ABLIM2: variants seen among roughly 807,000 people sequenced by gnomAD.
ABLIM2 encodes the protein actin binding LIM protein family member 2.
In ABLIM2, 53 loss-of-function variants were observed where a neutral mutation model predicts 97.7. That is an observed-to-expected ratio of 0.54 (90% CI 0.44 to 0.68). The LOEUF is 0.68. Ranked by LOEUF, ABLIM2 falls within the 30% of genes least tolerant of loss-of-function variation. The pLI is 0.00. For missense variants in ABLIM2, 835 were observed against 867.2 expected (o/e 0.96, Z 0.47); for synonymous variants, 361 against 345.8 (o/e 1.04, Z -0.49).
intron 9 of ABLIM2, among the ~76,000 whole-genome samples, chr4:8,038,083 C>T (rs1230984385): frequency 3.9e-5 from 6 of 152,210 alleles, no homozygotes; most frequent in Admixed American, 2.0e-4. Context: ...CTCGATTCTG[C>T]CTCAGCCTCC....
At position 8,128,354 on chromosome 4, in the gene ABLIM2, C is replaced by G. The variant is rs894010141; in HGVS notation, c.11-21717G>C. Among the ~76,000 whole-genome samples, 1 of 152,176 alleles carries G rather than the reference C, an allele frequency of 6.6e-6. No individual in the cohort carries two copies. The highest frequency in any genetic ancestry group is 1.5e-5 in the Non-Finnish European group (1 of 68,030). On this transcript the variant is annotated intron_variant, in intron 1 of 20. Coordinates refer to ENST00000447017, the MANE Select transcript of ABLIM2 (RefSeq NM_001130083.2). This position sits in a 1 kb window ranked among gnomAD's most constrained non-coding sequence, Gnocchi z 4.9. ...CCAGGTGGGTGGGGCCACAAGAAGA[C>G]GTGTCTCTATCTAGCGAATCAGAGT...
chr4:7,965,450 G>A lies in ABLIM2; in HGVS notation c.*1540C>T, dbSNP rs1023518286. On this transcript the variant is annotated 3_prime_UTR_variant, in exon 21 of 21. Transcript: ENST00000447017. ...CGCAATGGCAGGAAGCATATTAGGT[G>A]CTAAAAACTCCCCCTCCCTAGCCGA... The A allele has an allele frequency of 6.6e-6, 1 of 152,598 alleles. No individual in the cohort carries two copies. The highest frequency in any genetic ancestry group is 6.5e-5 in the Admixed American group (1 of 15,282). 9.5% of individuals were successfully genotyped at this position (152,598 alleles called of 1,614,324 possible). A position where few individuals can be genotyped will look rare whatever the true frequency, so the allele number is the denominator to read the frequency against.
intron 3 of ABLIM2, among the ~76,000 whole-genome samples, chr4:8,089,700 C>CTCCA (rs1173557051): frequency 2.1e-5 from 3 of 143,024 alleles, no homozygotes; most frequent in Non-Finnish European, 4.5e-5. Context: ...CACCACTGCA[C>CTCCA]TCCAGGCTGG....
Position 8,029,901 on chromosome 4 carries a change from C to A in ABLIM2, c.1048-125G>T, listed in dbSNP as rs541117326. ...CCAAGTGGATGACTCAACATGGCCC[C>A]ATGTGGGAATCTCCTGCACCTGTCA... On this transcript the variant is annotated intron_variant, in intron 10 of 20. Transcript: ENST00000447017. The A allele has an allele frequency of 5.5e-5, 72 of 1,314,196 alleles. No individual in the cohort carries two copies. In the East Asian group the frequency reaches 1.0e-3, roughly 18 times the overall value. 81.4% of individuals were successfully genotyped at this position (1,314,196 alleles called of 1,614,324 possible). A position where few individuals can be genotyped will look rare whatever the true frequency, so the allele number is the denominator to read the frequency against.
intron 6 of ABLIM2, among the ~76,000 whole-genome samples, chr4:8,073,257 T>G: frequency 2.1e-5 from 3 of 146,110 alleles, no homozygotes; most frequent in Non-Finnish European, 3.0e-5. Context: ...AGGGAGAGAG[T>G]CAGGATAGAA....
chr4:8,092,302 T>G (rs1829255993), intron 3 of ABLIM2, among the ~76,000 whole-genome samples: 1 of 152,074 alleles, frequency 6.6e-6, no homozygotes, highest in East Asian at 1.9e-4. Flanking sequence ...CTGGCCCATT[T>G]GTATATGTTC....
At chr4:8,038,140 C>T (rs1169740451) in intron 9 of ABLIM2, among the ~76,000 whole-genome samples, 1 of 152,262 alleles carries the variant, frequency 6.6e-6, no homozygotes, top group African/African-American at 2.4e-5. Flanking sequence ...CTGGGCTGAG[C>T]CCTCCATCAT....
intron 14 of ABLIM2, chr4:8,010,668 C>T (rs948469932): frequency 1.4e-5 from 12 of 852,078 alleles, no homozygotes; most frequent in East Asian, 1.2e-4. Context: ...TGATTTTCAG[C>T]GTGAAAATAC....
chr4:7,989,658 T>C (rs1420032987), intron 17 of ABLIM2, among the ~76,000 whole-genome samples: 1 of 152,226 alleles, frequency 6.6e-6, no homozygotes, highest in Non-Finnish European at 1.5e-5. Flanking sequence ...TGCTTATCCT[T>C]TAAAAGTAGT....
chr4:8,104,242 G>A (rs928192011), intron 2 of ABLIM2, among the ~76,000 whole-genome samples: 52 of 152,304 alleles, frequency 3.4e-4, no homozygotes, highest in African/African-American at 1.2e-3. Context: ...CCCACAGCTC[G>A]TGCACTCACT....
At chr4:8,100,749 G>GAAAAA (rs57318831) in intron 2 of ABLIM2, among the ~76,000 whole-genome samples, 2 of 100,212 alleles carry the variant, frequency 2.0e-5, no homozygotes, top group Admixed American at 1.1e-4. Context: ...TCCATCTCAG[G>GAAAAA]AAAAAAAAAA....
chr4:8,135,899 G>A (rs538894741), intron 1 of ABLIM2, among the ~76,000 whole-genome samples: 6 of 152,332 alleles, frequency 3.9e-5, no homozygotes, highest in Admixed American at 2.6e-4. Flanking sequence ...AAAGCAGCTC[G>A]TGGAAAGTGC....
intron 9 of ABLIM2, among the ~76,000 whole-genome samples, chr4:8,041,601 TAAAAAAAA>T (rs1193277449): frequency 7.3e-6 from 1 of 137,566 alleles, no homozygotes; most frequent in Non-Finnish European, 1.6e-5. Context: ...CCAGTTTGTT[TAAAAAAAA>T]AAAAAAAAAG....
chr4:8,071,659 C>T lies in ABLIM2; in HGVS notation c.675+5969G>A, dbSNP rs899082399. On this transcript the variant is annotated intron_variant, in intron 6 of 20. Transcript: ENST00000447017. The surrounding 1 kb of genome is among the most constrained non-coding windows in gnomAD (Gnocchi z 6.2). The stretch of plus-strand genomic sequence containing the variant: ...ACGGGGGTGGGGGAACAGGTGGCTC[C>T]GAGGTCTCACACCTGACTGCTCTGT... 14 of 966,252 alleles carry T rather than the reference C, an allele frequency of 1.4e-5. No homozygotes were observed. The highest frequency in any genetic ancestry group is 1.1e-4 in the East Asian group (1 of 8,736). The allele number at this position is 966,252 out of a possible 1,614,324, so 59.9% of individuals were successfully genotyped here. A position where few individuals can be genotyped will look rare whatever the true frequency, so the allele number is the denominator to read the frequency against.
At chr4:8,020,663 AG>A (rs961346626) in intron 12 of ABLIM2, 11 of 315,654 alleles carry the variant, frequency 3.5e-5, no homozygotes, top group African/African-American at 2.4e-4. Flanking sequence ...GCCAAAACAA[AG>A]GCCCCTCTTC....
At chr4:8,017,035 G>C (rs975736234) in intron 14 of ABLIM2, among the ~76,000 whole-genome samples, 3 of 152,168 alleles carry the variant, frequency 2.0e-5, no homozygotes, top group African/African-American at 7.2e-5. Flanking sequence ...ACTCCTAAAA[G>C]TAACTGGGTT....
rs1463792504 is a variant in ABLIM2, at chr4:8,113,949, G to C, written c.11-7312C>G. Among the ~76,000 whole-genome samples the C allele has an allele frequency of 6.6e-6, 1 of 151,892 alleles. No individual in the cohort carries two copies. The highest frequency in any genetic ancestry group is 1.5e-5 in the Non-Finnish European group (1 of 67,978). On this transcript the variant is annotated intron_variant, in intron 1 of 20. Coordinates refer to ENST00000447017, the MANE Select transcript of ABLIM2 (RefSeq NM_001130083.2). The surrounding 1 kb of genome is among the most constrained non-coding windows in gnomAD (Gnocchi z 4.5). ...GCAGGCACAGCAGGGAGATGAACCT[G>C]TGTACAATCAGGGAGGGCTTCTGGG...
chr4:8,144,624 C>T (rs961057061), intron 1 of ABLIM2, among the ~76,000 whole-genome samples: 14 of 152,176 alleles, frequency 9.2e-5, no homozygotes, highest in Non-Finnish European at 1.3e-4. Flanking sequence ...GCCAGCCCAG[C>T]GGGTGACGCG....
rs537391611 is a variant in ABLIM2, at chr4:7,977,148, A to AT, written c.1824+6115dup. ...GTGAGTTCTCACGAGATCTGATGGT[A>AT]TTTTAAGTGTTTGACAGGTCCTCCT... is the stretch of plus-strand genomic sequence containing the variant. On this transcript the variant is annotated intron_variant, in intron 20 of 20. Transcript: ENST00000447017. Among the ~76,000 whole-genome samples the AT allele has an allele frequency of 4.6e-5, 7 of 152,212 alleles. No homozygotes were observed. The South Asian group carries it at 1.0e-3, about 23-fold the overall frequency.
Sources: gnomAD v4.1 joint callset for allele counts (sites outside exome capture counted in the v4.1 genomes callset) on GRCh38, gnomAD v4.1.1 for gene constraint, Gnocchi (gnomAD v3.1) non-coding constraint, MANE v1.5 for transcripts, NCBI Gene and HGNC (gene_info 2026-07-23, HGNC 2026-07-21) for gene names.